Variants in ZNF512B observed in about 807,000 individuals in gnomAD.
ZNF512B encodes the protein zinc finger protein 512B.
A neutral mutation model predicts 87.8 loss-of-function variants in ZNF512B; 22 were observed. The ratio of observed to expected loss-of-function variants is 0.25; its 90% confidence interval spans 0.18 to 0.36. ZNF512B has a LOEUF of 0.36. Ranked by LOEUF, ZNF512B falls within the 10% of genes least tolerant of loss-of-function variation. ZNF512B has a pLI of 1.00. For synonymous variants in ZNF512B, 524 were observed against 490.9 expected (o/e 1.07, Z -0.89); for missense variants, 1,060 against 1,231.6 (o/e 0.86, Z 2.09).
chr20:63,969,181 T>A (rs769172113), intron 1 of ZNF512B: 1 of 985,490 alleles, frequency 1.0e-6, no homozygotes, highest in Non-Finnish European at 1.2e-6. Context: ...CAGCACCTGA[T>A]GACCCCGGTG....
Position 63,963,843 on chromosome 20 carries a change from C to G in ZNF512B, c.1551G>C (p.Val517=), listed in dbSNP as rs374621472. ...RGEAVCPTCN[V]VTRKTLVGLK... ...GCCCCACGAGAGTCTTCCGGGTGAC[C>G]ACGTTGCAGGTGGGGCAGACGGCTT... The change falls in exon 9 of 17, where the codon GTG becomes GTC. Residue 517 remains valine, a synonymous_variant. Transcript: ENST00000369888. 4 of 1,612,744 alleles carry G rather than the reference C, an allele frequency of 2.5e-6. No individual in the cohort carries two copies. The highest frequency in any genetic ancestry group is 3.4e-6 in the Non-Finnish European group (4 of 1,180,018).
chr20:63,962,581 G>T lies in ZNF512B; in HGVS notation c.2163+6C>A. ...GCTGTCCACAGCCCTGGGGGGGGCA[G>T]CTCACCCGTGCGGTCTCGGGCACAA... On this transcript the variant is annotated splice_donor_region_variant and intron_variant, in intron 13 of 16. Transcript: ENST00000369888. The T allele has an allele frequency of 6.2e-7, 1 of 1,602,078 alleles. No individual in the cohort carries two copies.
Position 63,960,024 on chromosome 20 carries a change from G to A in ZNF512B, c.2543C>T (p.Pro848Leu). The A allele has an allele frequency of 4.3e-6, 7 of 1,613,738 alleles. No individual in the cohort carries two copies. The highest frequency in any genetic ancestry group is 5.9e-6 in the Non-Finnish European group (7 of 1,180,014). The change falls in exon 17 of 17, where the codon CCC (proline) becomes CTC (leucine). Residue 848 changes from proline (P) to leucine (L), a missense_variant. By Grantham distance (98) the Pro-to-Leu change is moderately conservative. Transcript: ENST00000369888. ...AGGCTCCTCTGGGGTCCGCTCCTTG[G>A]GCTTTCGGCCCCGCTTCTTTCCACC... ...LAGGKKRGRK[P>L]KERTPEEPVA...
At position 63,967,718 on chromosome 20, in the gene ZNF512B, C is replaced by T; in HGVS notation, c.121+112G>A. On this transcript the variant is annotated intron_variant, in intron 2 of 16. Transcript: ENST00000369888. ...CCTACCCTGGTAAGGTCCTTGGGAA[C>T]TCTAGGGGCCTAGCTGGGTACCTGG... 2.6e-6 allele frequency: 4 copies of T among 1,522,130 alleles called. 1 individual carries two copies. Among genetic ancestry groups the T allele is most frequent in the South Asian group, 2.5e-5 (2 of 81,136 alleles). The allele number at this position is 1,522,130 out of a possible 1,614,324, so 94.3% of individuals were successfully genotyped here.
intron 2 of ZNF512B, 86 bp downstream of exon 2, chr20:63,967,744 A>C (rs2058942730): frequency 1.0e-5 from 16 of 1,554,686 alleles, no homozygotes; most frequent in Non-Finnish European, 1.3e-5. Flanking sequence ...GGGTACCTGG[A>C]GACAGGACGC....
rs2058927636 is a variant in ZNF512B, at chr20:63,966,427, T to C, written c.748A>G (p.Lys250Glu). Reference protein sequence around the residue: ...VTVSRPMPVTKAMPVTKPITV... With the variant: ...VTVSRPMPVTEAMPVTKPITV... Reference sequence around the variant, plus strand: ...ATGGGTTTGGTGACCGGCATGGCCTTGGTGACGGGCATGGGCCTGCTGACT... The same window carrying C: ...ATGGGTTTGGTGACCGGCATGGCCTCGGTGACGGGCATGGGCCTGCTGACT... The change falls in exon 5 of 17, where the codon AAG becomes GAG. Residue 250 changes from lysine (K) to glutamate (E), a missense_variant. This residue lies in a region of ZNF512B where 201 missense variants were observed against 226.8 expected (regional missense o/e 0.89). Coordinates refer to ENST00000369888, the MANE Select transcript of ZNF512B (RefSeq NM_020713.3). The C allele has an allele frequency of 6.2e-7, 1 of 1,613,994 alleles. No individual in the cohort carries two copies. Among genetic ancestry groups the C allele is most frequent in the Non-Finnish European group, 8.5e-7 (1 of 1,180,020 alleles).
In ZNF512B at chr20:63,958,075, C is replaced by G. The variant is rs1410158790; in HGVS notation, c.*1813G>C. 1 of 152,266 alleles carries G rather than the reference C, an allele frequency of 6.6e-6. No individual in the cohort carries two copies. Among genetic ancestry groups the G allele is most frequent in the Non-Finnish European group, 1.5e-5 (1 of 68,066 alleles). 9.4% of individuals were successfully genotyped at this position (152,266 alleles called of 1,614,324 possible). Reference sequence around the variant, plus strand: ...TCCCTGGCACATCTGGCAAGGGCTGCTGAGGGTTGGAGCCTTCTGGCCCAA... The same window carrying G: ...TCCCTGGCACATCTGGCAAGGGCTGGTGAGGGTTGGAGCCTTCTGGCCCAA... On this transcript the variant is annotated 3_prime_UTR_variant, in exon 17 of 17. Coordinates refer to ENST00000369888, the MANE Select transcript of ZNF512B (RefSeq NM_020713.3).
chr20:63,962,497 T>C, intron 13 of ZNF512B, 90 bp downstream of exon 13: 1 of 1,555,188 alleles, frequency 6.4e-7, no homozygotes, highest in African/African-American at 1.4e-5. Flanking sequence ...GTGGCCCAGG[T>C]CACAGCAGTG....
chr20:63,964,213 C>T lies in ZNF512B; in HGVS notation c.1338G>A (p.Leu446=). The T allele has an allele frequency of 6.2e-7, 1 of 1,603,638 alleles. No individual in the cohort carries two copies. Among genetic ancestry groups the T allele is most frequent in the Non-Finnish European group, 8.5e-7 (1 of 1,175,400 alleles). Residue 446 remains leucine (L), a synonymous_variant, in exon 8 of 17, where the codon CTG becomes CTA. Coordinates refer to ENST00000369888, the MANE Select transcript of ZNF512B (RefSeq NM_020713.3). ...SISGTFGLKG[L]VKAEDKARVH... ...CTCGGGCCTTGTCCTCAGCTTTGAC[C>T]AGGCCTGTGTGCACACATGGGGTGG... is the stretch of plus-strand genomic sequence containing the variant.
At position 63,961,490 on chromosome 20, in the gene ZNF512B, G is replaced by A. The variant is rs1412948222; in HGVS notation, c.2329-83C>T. On this transcript the variant is annotated intron_variant, in intron 15 of 16. Coordinates refer to ENST00000369888, the MANE Select transcript of ZNF512B (RefSeq NM_020713.3). This position sits in a 1 kb window ranked among gnomAD's most constrained non-coding sequence, Gnocchi z 6.4. ...GCCCCTACTCATGGCTAAAGGGTCA[G>A]AGTCAGCGGTGGCCCAAGGAAAGCT... The A allele has an allele frequency of 2.2e-6, 3 of 1,337,352 alleles. No homozygotes were observed. Among genetic ancestry groups the A allele is most frequent in the Admixed American group, 1.7e-5 (1 of 57,206 alleles). The allele number at this position is 1,337,352 out of a possible 1,614,324, so 82.8% of individuals were successfully genotyped here. A position where few individuals can be genotyped will look rare whatever the true frequency, so the allele number is the denominator to read the frequency against.
At position 63,961,052 on chromosome 20, in the gene ZNF512B, C is replaced by G. The variant is rs1377209422; in HGVS notation, c.2427+257G>C. ...ACAGCCTTCGGGACCAGGCAAGCAC[C>G]TGCAGCAGGGCTGCTGGGGGCTGGA... On this transcript the variant is annotated intron_variant, in intron 16 of 16. Coordinates refer to ENST00000369888, the MANE Select transcript of ZNF512B (RefSeq NM_020713.3). The surrounding 1 kb of genome is among the most constrained non-coding windows in gnomAD (Gnocchi z 6.4). Among the ~76,000 whole-genome samples the G allele has an allele frequency of 6.6e-6, 1 of 152,200 alleles. No homozygotes were observed. Among genetic ancestry groups the G allele is most frequent in the Non-Finnish European group, 1.5e-5 (1 of 68,014 alleles).
chr20:63,963,135 G>A lies in ZNF512B; in HGVS notation c.1928C>T (p.Ala643Val), dbSNP rs758217975. 1.3e-6 allele frequency: 2 copies of A among 1,556,290 alleles called. No homozygotes were observed. The highest frequency in any genetic ancestry group is 2.7e-5 in the African/African-American group (2 of 73,874). ...CGAGCGCACGTGGTAGTCGTGGCCA[G>A]CCTTGGATCGGTACGTCTTGCCACA... is the stretch of plus-strand genomic sequence containing the variant. ...THCGKTYRSK[A>V]GHDYHVRSEH... The change falls in exon 12 of 17, where the codon GCT (alanine) becomes GTT (valine). Residue 643 changes from alanine to valine, a missense_variant. By Grantham distance (64) the Ala-to-Val change is moderately conservative (BLOSUM62 0). Around this residue, in one of 9 missense-constraint regions of ZNF512B, gnomAD observed 165 missense variants for 173.0 expected, o/e 0.95. Transcript: ENST00000369888.
rs754512161 is a variant in ZNF512B at position 63,963,875 on chromosome 20, G to A, written c.1519C>T (p.Arg507Cys). 15 of 1,612,162 alleles carry A rather than the reference G, an allele frequency of 9.3e-6. No homozygotes were observed. Among genetic ancestry groups the A allele is most frequent in the South Asian group, 4.4e-5 (4 of 91,090 alleles). The part of the protein sequence containing the change: ...EEQWQRAIHE[R>C]GEAVCPTCNV... ...CAGGTGGGGCAGACGGCTTCCCCGC[G>A]CTCATGGATGGCCCTCTGCCACTGC... Residue 507 changes from arginine (R) to cysteine (C), a missense_variant, in exon 9 of 17, where the codon CGC becomes TGC. By Grantham distance (180) the Arg-to-Cys change is radical (BLOSUM62 -3). This residue lies in a region of ZNF512B where 212 missense variants were observed against 207.6 expected (regional missense o/e 1.02). Transcript: ENST00000369888.
Position 63,967,931 on chromosome 20 carries a change from A to G in ZNF512B, c.20T>C (p.Val7Ala). 6.2e-7 allele frequency: 1 copy of G among 1,611,820 alleles called. No individual in the cohort carries two copies. Among genetic ancestry groups the G allele is most frequent in the Non-Finnish European group, 8.5e-7 (1 of 1,178,940 alleles). Residue 7 changes from valine (V) to alanine (A), a missense_variant, in exon 2 of 17, where the codon GTT (valine) becomes GCT (alanine). Val to Ala is a moderately conservative substitution (Grantham distance 64). Around this residue, in one of 9 missense-constraint regions of ZNF512B, gnomAD observed 134 missense variants for 153.6 expected, o/e 0.87. Coordinates refer to ENST00000369888, the MANE Select transcript of ZNF512B (RefSeq NM_020713.3). ...GGACCCCGGGAGCCGACGGCCTCCA[A>G]CGCAGAAAGGATCCGTCATCTCTGC... MTDPFC[V>A]GGRRLPGSSK...
At position 63,966,865 on chromosome 20, in the gene ZNF512B, C is replaced by T. The variant is rs2058934194; in HGVS notation, c.393+11G>A. ...CCGAGGCCTCCTCTCCCCCGACCCA[C>T]AGTCCCTTACCCCTTGGCACCGCTG... On this transcript the variant is annotated intron_variant, in intron 4 of 16. Transcript: ENST00000369888. The T allele has an allele frequency of 1.2e-6, 2 of 1,613,618 alleles. No homozygotes were observed. Among genetic ancestry groups the T allele is most frequent in the South Asian group, 2.2e-5 (2 of 91,094 alleles).
chr20:63,963,211 A>G lies in ZNF512B; in HGVS notation c.1852T>C (p.Cys618Arg). ...LMGYQYHQRR[C>R]GKPPCEVDSP... ...TCCACCTCGCAGGGCGGCTTCCCGC[A>G]GCGCCGCTGGTGGTACTGGTAGCCC... Residue 618 changes from cysteine to arginine, a missense_variant, in exon 12 of 17, where the codon TGC becomes CGC. Around this residue, in one of 9 missense-constraint regions of ZNF512B, gnomAD observed 165 missense variants for 173.0 expected, o/e 0.95. Coordinates refer to ENST00000369888, the MANE Select transcript of ZNF512B (RefSeq NM_020713.3). The G allele has an allele frequency of 6.5e-7, 1 of 1,546,898 alleles. No individual in the cohort carries two copies. Among genetic ancestry groups the G allele is most frequent in the Middle Eastern group, 1.7e-4 (1 of 5,990 alleles).
chr20:63,962,063 C>A, intron 14 of ZNF512B, 59 bp from the exon 15 acceptor site: 1 of 1,522,162 alleles, frequency 6.6e-7, no homozygotes, highest in South Asian at 1.2e-5. Context: ...CCAAGATATA[C>A]CCCTGCCCTA....
Position 63,967,847 on chromosome 20 carries a change from T to C in ZNF512B, c.104A>G (p.His35Arg). The C allele has an allele frequency of 2.5e-6, 4 of 1,613,202 alleles. No individual in the cohort carries two copies. The highest frequency in any genetic ancestry group is 3.4e-6 in the Non-Finnish European group (4 of 1,179,718). ...CCTCTTACCCATCTTCGGTGGGTCATGCAGCATTGGAAGTCGGACCTCCTT... is the reference window on the plus strand; with the variant it reads ...CCTCTTACCCATCTTCGGTGGGTCACGCAGCATTGGAAGTCGGACCTCCTT... ...SRKEVRLPML[H>R]DPPKMGMPVV... The change falls in exon 2 of 17, where the codon CAT becomes CGT. Residue 35 changes from histidine to arginine, a missense_variant. His to Arg is a conservative substitution (Grantham distance 29). Around this residue, in one of 9 missense-constraint regions of ZNF512B, gnomAD observed 134 missense variants for 153.6 expected, o/e 0.87. Transcript: ENST00000369888.
chr20:63,960,079 G>T lies in ZNF512B; in HGVS notation c.2488C>A (p.Pro830Thr). ...AGATTTTTCTTCTTTTCCTTCTTGG[G>T]CACCAATGAGTCCTGGCTCCTGTGT... ...PKHRSQDSLV[P>T]KKEKKKNLAG... Residue 830 changes from proline to threonine, a missense_variant, in exon 17 of 17, where the codon CCC becomes ACC. Physicochemically the swap from Pro to Thr is conservative, Grantham distance 38 (BLOSUM62 -1). Transcript: ENST00000369888. The T allele has an allele frequency of 1.2e-6, 2 of 1,613,964 alleles. No homozygotes were observed. Among genetic ancestry groups the T allele is most frequent in the Non-Finnish European group, 1.7e-6 (2 of 1,180,030 alleles).
Sources: allele counts gnomAD v4.1 joint callset (sites outside exome capture counted in the v4.1 genomes callset), GRCh38; gene constraint gnomAD v4.1.1; regional missense constraint gnomAD v4.1.1; non-coding constraint Gnocchi (gnomAD v3.1); transcripts MANE v1.5; gene names NCBI Gene and HGNC (gene_info 2026-07-23, HGNC 2026-07-21).